The following SERPINB1 variants were observed in gnomAD, a reference collection of about 807,000 sequenced individuals.
The protein encoded by SERPINB1 is leukocyte elastase inhibitor.
SERPINB1 carries 23 observed loss-of-function variants against 25.9 expected under a neutral mutation model. The ratio of observed to expected loss-of-function variants is 0.89; its 90% CI spans 0.64 to 1.26. The LOEUF is 1.26. Among genes scored for constraint, SERPINB1 ranks in the 50% most tolerant of loss-of-function variants. The pLI, the probability that SERPINB1 is intolerant of heterozygous loss-of-function variation, is 0.00. For synonymous variants in SERPINB1, 178 were observed against 178.7 expected (o/e 1.00, Z 0.03); for missense variants, 399 against 463.6 (o/e 0.86, Z 1.28).
Position 2,839,520 on chromosome 6 carries a change from T to A in SERPINB1, c.169-834A>T, listed in dbSNP as rs1005298279. The stretch of plus-strand genomic sequence containing the variant: ...AGAGGTTTTTTTTTTTTAATGGATT[T>A]AAAAAAAACATTTAAAATGCTTTCA... On this transcript the variant is annotated intron_variant, in intron 2 of 6. Coordinates refer to ENST00000380739, the MANE Select transcript of SERPINB1 (RefSeq NM_030666.4). The A allele has an allele frequency of 2.1e-5, 20 of 963,812 alleles. No homozygotes were observed. In the African/African-American group the frequency reaches 2.5e-4, roughly 12 times the overall value. 59.7% of individuals were successfully genotyped at this position (963,812 alleles called of 1,614,324 possible). A position where few individuals can be genotyped will look rare whatever the true frequency, so the allele number is the denominator to read the frequency against.
chr6:2,839,539 G>A (rs754162278), intron 2 of SERPINB1: 21 of 943,106 alleles, frequency 2.2e-5, no homozygotes, highest in Non-Finnish European at 2.7e-5. Flanking sequence ...CATTTAAAAT[G>A]CTTTCATATC....
In SERPINB1 at chr6:2,837,970, A is replaced by G. The variant is rs370509207; in HGVS notation, c.336T>C (p.Tyr112=). 2.5e-6 allele frequency: 4 copies of G among 1,613,780 alleles called. No homozygotes were observed. The Admixed American group carries it at 5.0e-5, about 20-fold the overall frequency. The change falls in exon 4 of 7, where the codon TAT becomes TAC. Residue 112 remains tyrosine, a synonymous_variant. Transcript: ENST00000380739. This position sits in a 1 kb window ranked among gnomAD's most constrained non-coding sequence, Gnocchi z 4.3. ...AATCCACACTGGCCAGGTCAGCACC[A>G]TATGTTTTCTGAGTCGAAACCAAGA... ...PEFLVSTQKT[Y]GADLASVDFQ... is the part of the protein sequence containing the mutation.
In SERPINB1 at chr6:2,833,439, C is replaced by T. The variant is rs1766396834; in HGVS notation, c.*169G>A. 1.7e-6 allele frequency: 1 copy of T among 579,428 alleles called. No individual in the cohort carries two copies. The highest frequency in any genetic ancestry group is 1.9e-5 in the African/African-American group (1 of 51,772). The allele number at this position is 579,428 out of a possible 1,614,324, so 35.9% of individuals were successfully genotyped here. On this transcript the variant is annotated 3_prime_UTR_variant, in exon 7 of 7. Transcript: ENST00000380739. ...AAAAAAGAAAAATAGATACCCATGC[C>T]AAAATTCATGGGTGTAAACAGCCAA...
rs368049759 is a variant in SERPINB1 at position 2,835,806 on chromosome 6, G to A, written c.735+50C>T. The stretch of plus-strand genomic sequence containing the variant: ...CTTAACAAGCACCTACCTACCATGC[G>A]ACACACACATGCAAGAGGAACCACA... On this transcript the variant is annotated intron_variant, in intron 6 of 6. Transcript: ENST00000380739. The A allele has an allele frequency of 1.6e-5, 25 of 1,565,170 alleles. No homozygotes were observed. The African/African-American group carries it at 1.9e-4, about 12-fold the overall frequency.
chr6:2,837,746 C>G lies in SERPINB1; in HGVS notation c.424+136G>C. On this transcript the variant is annotated intron_variant, in intron 4 of 6. Transcript: ENST00000380739. The surrounding 1 kb of genome is among the most constrained non-coding windows in gnomAD (Gnocchi z 4.3). ...CAGTGCAGACTTCACGCACCGGCAGCGTCCTCTGACTGTAACCACGATGTG... is the reference window on the plus strand; with the variant it reads ...CAGTGCAGACTTCACGCACCGGCAGGGTCCTCTGACTGTAACCACGATGTG... 1.4e-6 allele frequency: 1 copy of G among 703,956 alleles called. No individual in the cohort carries two copies. The highest frequency in any genetic ancestry group is 2.5e-6 in the Non-Finnish European group (1 of 393,816). The allele number at this position is 703,956 out of a possible 1,614,324, so 43.6% of individuals were successfully genotyped here.
chr6:2,833,855 T>C lies in SERPINB1; in HGVS notation c.893A>G (p.Asn298Ser), dbSNP rs1351814246. ...LARLGVQDLF[N>S]SSKADLSGMS... The stretch of plus-strand genomic sequence containing the variant: ...GCCAGACAGATCAGCCTTGCTACTG[T>C]TAAAGAGATCCTGCACACCTAGGCG... The change falls in exon 7 of 7, where the codon AAC becomes AGC. Residue 298 changes from asparagine (N) to serine (S), a missense_variant. Asn to Ser is a conservative substitution (Grantham distance 46). Transcript: ENST00000380739. The C allele has an allele frequency of 1.2e-6, 2 of 1,614,080 alleles. No individual in the cohort carries two copies. Among genetic ancestry groups the C allele is most frequent in the Non-Finnish European group, 1.7e-6 (2 of 1,180,044 alleles).
In SERPINB1 at chr6:2,833,944, T is replaced by G. The variant is rs1480030427; in HGVS notation, c.804A>C (p.Glu268Asp). Residue 268 changes from glutamate (E) to aspartate (D), a missense_variant, in exon 7 of 7, where the codon GAA becomes GAC. By Grantham distance (45) the Glu-to-Asp change is conservative. Transcript: ENST00000380739. Reference sequence around the variant, plus strand: ...TGAACCTGGGCAAGCTGACATTAACTTCAATGAAATCGAGATTCTCAGGTT... The same window carrying G: ...TGAACCTGGGCAAGCTGACATTAACGTCAATGAAATCGAGATTCTCAGGTT... ...WTKPENLDFI[E>D]VNVSLPRFKL... 6.2e-7 allele frequency: 1 copy of G among 1,613,912 alleles called. No homozygotes were observed.
Position 2,835,910 on chromosome 6 carries a change from G to GCTGA in SERPINB1, c.677_680dup (p.Met228GlnfsTer9). The stretch of plus-strand genomic sequence containing the variant: ...TGTCATCCGGCAGCAGGATGACCAT[G>GCTGA]CTGAGCTCCTCGCCTTGGTAAGGCA... On this transcript the variant is annotated frameshift_variant, in exon 6 of 7. Transcript: ENST00000380739. LOFTEE classifies it high-confidence loss of function. The GCTGA allele has an allele frequency of 6.2e-7, 1 of 1,614,186 alleles. No homozygotes were observed. The highest frequency in any genetic ancestry group is 8.5e-7 in the Non-Finnish European group (1 of 1,180,042).
chr6:2,835,710 T>C, intron 6 of SERPINB1, 146 bp downstream of exon 6: 2 of 842,858 alleles, frequency 2.4e-6, no homozygotes, highest in Non-Finnish European at 3.6e-6. Context: ...TGGGCTTTAG[T>C]GTAGTAAGTG....
At position 2,838,008 on chromosome 6, in the gene SERPINB1, A is replaced by G. The variant is rs754392991; in HGVS notation, c.307-9T>C. 1 of 1,579,670 alleles carries G rather than the reference A, an allele frequency of 6.3e-7. No homozygotes were observed. The highest frequency in any genetic ancestry group is 1.7e-5 in the Admixed American group (1 of 59,066). On this transcript the variant is annotated splice_polypyrimidine_tract_variant and intron_variant, in intron 3 of 6. Coordinates refer to ENST00000380739, the MANE Select transcript of SERPINB1 (RefSeq NM_030666.4). ...GTCGAAACCAAGAACTCCTATTAAA[A>G]AAAAGGAAAAGGAAATATATATATA...
intron 2 of SERPINB1, among the ~76,000 whole-genome samples, chr6:2,839,825 C>T (rs316343): frequency 0.5 from 73,822 of 148,874 alleles, 18,728 homozygotes; most frequent in Admixed American, 0.61. Context: ...TGGGTCCCGC[C>T]CCTGAAGCTG....
Position 2,832,468 on chromosome 6 carries a change from C to A in SERPINB1, c.*1140G>T. The A allele has an allele frequency of 6.6e-6, 1 of 152,410 alleles. No individual in the cohort carries two copies. The highest frequency in any genetic ancestry group is 1.5e-5 in the Non-Finnish European group (1 of 68,132). The allele number at this position is 152,410 out of a possible 1,614,324, so 9.4% of individuals were successfully genotyped here. A position where few individuals can be genotyped will look rare whatever the true frequency, so the allele number is the denominator to read the frequency against. On this transcript the variant is annotated 3_prime_UTR_variant, in exon 7 of 7. Coordinates refer to ENST00000380739, the MANE Select transcript of SERPINB1 (RefSeq NM_030666.4). Reference sequence around the variant, plus strand: ...TTTATATCAGTCCAAGAGCCCCCACCCCATCTCCCCACACAGCCTTGGAAG... The same window carrying A: ...TTTATATCAGTCCAAGAGCCCCCACACCATCTCCCCACACAGCCTTGGAAG...
At position 2,833,704 on chromosome 6, in the gene SERPINB1, G is replaced by A. The variant is rs143196754; in HGVS notation, c.1044C>T (p.Pro348=). 2.2e-4 allele frequency: 355 copies of A among 1,614,076 alleles called. No homozygotes were observed. In the African/African-American group the frequency reaches 3.7e-3, roughly 17 times the overall value. ...AGIATFCMLM[P]EENFTADHPF... Reference sequence around the variant, plus strand: ...GATGGTCGGCAGTGAAATTTTCTTCGGGCATCAACATGCAGAAAGTTGCGA... The same window carrying A: ...GATGGTCGGCAGTGAAATTTTCTTCAGGCATCAACATGCAGAAAGTTGCGA... The change falls in exon 7 of 7, where the codon CCC becomes CCT. Residue 348 remains proline, a synonymous_variant. Transcript: ENST00000380739.
In SERPINB1 at chr6:2,836,185, C is replaced by T. The variant is rs774306223; in HGVS notation, c.490G>A (p.Ala164Thr). ...TTCCAGTTTCCCTTGAAATAGATGG[C>T]ATTTACTAGCACAAGTTTGGTCATG... The part of the protein sequence containing the change: ...DNMTKLVLVN[A>T]IYFKGNWKDK... The change falls in exon 5 of 7, where the codon GCC becomes ACC. Residue 164 changes from alanine (A) to threonine (T), a missense_variant. Physicochemically the swap from Ala to Thr is moderately conservative, Grantham distance 58 (BLOSUM62 0). Transcript: ENST00000380739. 1.2e-6 allele frequency: 2 copies of T among 1,613,964 alleles called. No homozygotes were observed. The highest frequency in any genetic ancestry group is 1.7e-6 in the Non-Finnish European group (2 of 1,180,020).
At chr6:2,838,822 T>G (rs564782051) in intron 2 of SERPINB1, 136 bp from the exon 3 acceptor site, 1 of 689,622 alleles carries the variant, frequency 1.5e-6, no homozygotes, top group Non-Finnish European at 2.1e-6. Context: ...CAATACTTTA[T>G]TAATTTGTCA....
rs1766584330 is a variant in SERPINB1 at position 2,839,434 on chromosome 6, C to T, written c.169-748G>A. ...ATTCTTTGCTGAGGTTTTAAAGTCCCTGGAAAACCTCAAGCTAGGAACTGA... is the reference window on the plus strand; with the variant it reads ...ATTCTTTGCTGAGGTTTTAAAGTCCTTGGAAAACCTCAAGCTAGGAACTGA... On this transcript the variant is annotated intron_variant, in intron 2 of 6. Transcript: ENST00000380739. 3 of 984,696 alleles carry T rather than the reference C, an allele frequency of 3.0e-6. No individual in the cohort carries two copies. The African/African-American group carries it at 5.3e-5, about 17-fold the overall frequency. The allele number at this position is 984,696 out of a possible 1,614,324, so 61.0% of individuals were successfully genotyped here.
rs1766650188 is a variant in SERPINB1, at chr6:2,841,425, A to G, written c.-9+387T>C. On this transcript the variant is annotated intron_variant, in intron 1 of 6. Transcript: ENST00000380739. This position sits in a 1 kb window ranked among gnomAD's most constrained non-coding sequence, Gnocchi z 4.5. Reference sequence around the variant, plus strand: ...CTCCTCTCTCTCCCTGCAGCTGCAGATAGGAGCCGCGGCCTGGCCCTGGGC... The same window carrying G: ...CTCCTCTCTCTCCCTGCAGCTGCAGGTAGGAGCCGCGGCCTGGCCCTGGGC... The G allele has an allele frequency of 1.3e-5, 2 of 152,690 alleles. No homozygotes were observed. Among genetic ancestry groups the G allele is most frequent in the Admixed American group, 1.3e-4 (2 of 15,288 alleles). 9.5% of individuals were successfully genotyped at this position (152,690 alleles called of 1,614,324 possible). A position where few individuals can be genotyped will look rare whatever the true frequency, so the allele number is the denominator to read the frequency against.
chr6:2,835,907 C>T lies in SERPINB1; in HGVS notation c.684G>A (p.Met228Ile). 1 of 1,614,164 alleles carries T rather than the reference C, an allele frequency of 6.2e-7. No individual in the cohort carries two copies. Among genetic ancestry groups the T allele is most frequent in the Non-Finnish European group, 8.5e-7 (1 of 1,180,024 alleles). Residue 228 changes from methionine to isoleucine, a missense_variant, in exon 6 of 7, where the codon ATG becomes ATA. Met to Ile is a conservative substitution (Grantham distance 10, BLOSUM62 1). Coordinates refer to ENST00000380739, the MANE Select transcript of SERPINB1 (RefSeq NM_030666.4). ...CAATGTCATCCGGCAGCAGGATGAC[C>T]ATGCTGAGCTCCTCGCCTTGGTAAG... Reference protein sequence around the residue: ...ELPYQGEELSMVILLPDDIED... With the variant: ...ELPYQGEELSIVILLPDDIED...
chr6:2,837,954 T>C lies in SERPINB1; in HGVS notation c.352A>G (p.Ser118Gly). 6.2e-7 allele frequency: 1 copy of C among 1,614,106 alleles called. No homozygotes were observed. Among genetic ancestry groups the C allele is most frequent in the Non-Finnish European group, 8.5e-7 (1 of 1,180,028 alleles). ...TCAGAGGCATGCTGAAAATCCACAC[T>C]GGCCAGGTCAGCACCATATGTTTTC... is the stretch of plus-strand genomic sequence containing the variant. ...TQKTYGADLA[S>G]VDFQHASEDA... The change falls in exon 4 of 7, where the codon AGT becomes GGT. Residue 118 changes from serine to glycine, a missense_variant. Transcript: ENST00000380739. This position sits in a 1 kb window ranked among gnomAD's most constrained non-coding sequence, Gnocchi z 4.3.
Sources: gnomAD v4.1 joint callset for allele counts (sites outside exome capture counted in the v4.1 genomes callset) on GRCh38, gnomAD v4.1.1 for gene constraint, Gnocchi (gnomAD v3.1) non-coding constraint, MANE v1.5 for transcripts, NCBI Gene and HGNC (gene_info 2026-07-23, HGNC 2026-07-21) for gene names.